DST: variants seen among roughly 807,000 people sequenced by gnomAD.
The protein encoded by DST is dystonin.
In DST, 253 loss-of-function variants were observed where a neutral mutation model predicts 875.2. The ratio of observed to expected loss-of-function variants is 0.29; its 90% confidence interval spans 0.26 to 0.32. DST has a LOEUF of 0.32. DST is among the 10% of genes least tolerant of loss of function. The pLI, the probability that DST is intolerant of heterozygous loss-of-function variation, is 1.00. For synonymous variants in DST, 3,124 were observed against 3,197.1 expected (o/e 0.98, Z 0.77); for missense variants, 8,287 against 9,111.6 (o/e 0.91, Z 3.68).
intron 4 of DST, among the ~76,000 whole-genome samples, chr6:56,758,488 A>AT (rs1315488885): frequency 6.6e-6 from 1 of 152,140 alleles, no homozygotes; most frequent in Non-Finnish European, 1.5e-5. Flanking sequence ...AAAACCAACC[A>AT]TTTTTTTATG....
intron 4 of DST, among the ~76,000 whole-genome samples, chr6:56,782,835 T>C (rs2099696842): frequency 6.6e-6 from 1 of 152,230 alleles, no homozygotes. Context: ...ATTTTGGATC[T>C]TTCCTGCTTT....
At chr6:56,645,283 C>T (rs1330791661) in intron 15 of DST, among the ~76,000 whole-genome samples, 1 of 152,166 alleles carries the variant, frequency 6.6e-6, no homozygotes, top group Non-Finnish European at 1.5e-5. Context: ...CAAGCATTTC[C>T]TGAAGACTAA....
chr6:56,787,149 G>C (rs1178411179), intron 4 of DST, among the ~76,000 whole-genome samples: 1 of 152,196 alleles, frequency 6.6e-6, no homozygotes, highest in Non-Finnish European at 1.5e-5. Flanking sequence ...CAAACTATCA[G>C]AGGATGAGAG....
At chr6:56,477,732 G>A (rs2095256953) in intron 90 of DST, among the ~76,000 whole-genome samples, 1 of 152,108 alleles carries the variant, frequency 6.6e-6, no homozygotes, top group Non-Finnish European at 1.5e-5. Context: ...TTGGTTCCAG[G>A]ATACCGTGCA....
At position 56,609,180 on chromosome 6, in the gene DST, A is replaced by G. The variant is rs766643645; in HGVS notation, c.5448T>C (p.Phe1816=). Residue 1816 remains phenylalanine (F), a synonymous_variant, in exon 40 of 104, where the codon TTT becomes TTC. Transcript: ENST00000680361. ...CATGACTTTTGGCATCTTTAAGGTC[A>G]AAGCACTTTCTTAATTCTGGTGAAA... ...GLISPELRKC[F]DLKDAKSHGL... The G allele has an allele frequency of 6.2e-7, 1 of 1,613,718 alleles. No homozygotes were observed. Among genetic ancestry groups the G allele is most frequent in the African/African-American group, 1.3e-5 (1 of 74,910 alleles).
At chr6:56,691,156 C>T (rs561536888) in intron 9 of DST, among the ~76,000 whole-genome samples, 1 of 152,290 alleles carries the variant, frequency 6.6e-6, no homozygotes, top group African/African-American at 2.4e-5. Flanking sequence ...GTACAGCTTA[C>T]TTGAAGCCAA....
At chr6:56,631,095 C>A in intron 30 of DST, 116 bp downstream of exon 30, 1 of 420,972 alleles carries the variant, frequency 2.4e-6, no homozygotes, top group Non-Finnish European at 3.5e-6. Flanking sequence ...TAATGTATTT[C>A]TTAAGACAAA....
rs1320210915 is a variant in DST, at chr6:56,561,423, T to G, written c.14195A>C (p.Glu4732Ala). Reference sequence around the variant, plus strand: ...TAACCACTGCATCATTGCACTTGATTCTTCCTGAGCCTTTTGCAATTTGGA... The same window carrying G: ...TAACCACTGCATCATTGCACTTGATGCTTCCTGAGCCTTTTGCAATTTGGA... Reference protein sequence around the residue: ...KLSKLQKAQEESSAMMQWLQK... With the variant: ...KLSKLQKAQEASSAMMQWLQK... Residue 4732 changes from glutamate (E) to alanine (A), a missense_variant, in exon 57 of 104, where the codon GAA (glutamate) becomes GCA (alanine). Physicochemically the swap from Glu to Ala is moderately radical, Grantham distance 107. This residue lies in a region of DST where 1,513 missense variants were observed against 1,677.8 expected (regional missense o/e 0.90). Transcript: ENST00000680361. 1 of 1,613,804 alleles carries G rather than the reference T, an allele frequency of 6.2e-7. No individual in the cohort carries two copies. The highest frequency in any genetic ancestry group is 8.5e-7 in the Non-Finnish European group (1 of 1,179,834).
chr6:56,489,754 T>G (rs2095674581), intron 85 of DST, 145 bp from the exon 86 acceptor site: 2 of 774,026 alleles, frequency 2.6e-6, no homozygotes, highest in Non-Finnish European at 3.8e-6. Context: ...AAAAAAGTAA[T>G]GCTTTCATCA....
chr6:56,818,220 T>C (rs2099768902), intron 4 of DST, among the ~76,000 whole-genome samples: 1 of 152,024 alleles, frequency 6.6e-6, no homozygotes, highest in Non-Finnish European at 1.5e-5. Context: ...ATAGCAACAA[T>C]AGGAAACTAA....
intron 5 of DST, among the ~76,000 whole-genome samples, chr6:56,731,127 C>A (rs1158651593): frequency 6.6e-6 from 1 of 152,280 alleles, no homozygotes; most frequent in Admixed American, 6.5e-5. Context: ...AGTGGGAAAG[C>A]GAGATGGAGC....
chr6:56,605,373 G>A lies in DST; in HGVS notation c.9255C>T (p.Phe3085=), dbSNP rs2152709314. 6.2e-7 allele frequency: 1 copy of A among 1,612,344 alleles called. No individual in the cohort carries two copies. The highest frequency in any genetic ancestry group is 8.5e-7 in the Non-Finnish European group (1 of 1,179,110). ...LLPGKNTRDS[F]KLINSQFPFP... The stretch of plus-strand genomic sequence containing the variant: ...ATGGAAACTGACTATTAATTAACTT[G>A]AAACTATCCCTTGTATTTTTACCAG... Residue 3085 remains phenylalanine, a synonymous_variant, in exon 40 of 104, where the codon TTC becomes TTT. Transcript: ENST00000680361.
chr6:56,595,783 C>A (rs904623258), intron 47 of DST, among the ~76,000 whole-genome samples: 1 of 135,200 alleles, frequency 7.4e-6, no homozygotes, highest in African/African-American at 3.9e-5. Flanking sequence ...TATGCTACCC[C>A]CACCCCACCC....
At chr6:56,742,632 T>G (rs905034375) in intron 4 of DST, among the ~76,000 whole-genome samples, 1 of 152,188 alleles carries the variant, frequency 6.6e-6, no homozygotes, top group African/African-American at 2.4e-5. Flanking sequence ...TTTAATTCCC[T>G]TTTTTTGTTT....
chr6:56,551,782 AAAAG>A (rs1562727929), intron 61 of DST, among the ~76,000 whole-genome samples: 1 of 152,252 alleles, frequency 6.6e-6, no homozygotes, highest in Non-Finnish European at 1.5e-5. Context: ...GATAATTATA[AAAAG>A]AAAGGGCAGA....
At chr6:56,508,095 C>A (rs2096382113) in intron 75 of DST, among the ~76,000 whole-genome samples, 1 of 152,162 alleles carries the variant, frequency 6.6e-6, no homozygotes, top group Non-Finnish European at 1.5e-5. Context: ...AGTATAGTGG[C>A]ACGATCTTGG....
chr6:56,574,548 T>G (rs1388482200), intron 50 of DST, among the ~76,000 whole-genome samples: 1 of 152,154 alleles, frequency 6.6e-6, no homozygotes, highest in African/African-American at 2.4e-5. Context: ...ATTGAATTTA[T>G]TTAAAAGTTT....
At chr6:56,904,452 T>A (rs1795470420) in intron 2 of DST, among the ~76,000 whole-genome samples, 1 of 152,338 alleles carries the variant, frequency 6.6e-6, no homozygotes, top group East Asian at 1.9e-4. Context: ...TGTAGAGTAA[T>A]GGGGTGTTTA....
At chr6:56,492,108 C>A (rs1364161352) in intron 85 of DST, 119 bp downstream of exon 85, 3 of 911,408 alleles carry the variant, frequency 3.3e-6, no homozygotes, top group Non-Finnish European at 5.0e-6. Context: ...CACCATGGCA[C>A]CATGCCATGA....
Sources: gnomAD v4.1 joint callset for allele counts (sites outside exome capture counted in the v4.1 genomes callset) on GRCh38, gnomAD v4.1.1 for gene constraint, gnomAD v4.1.1 regional missense constraint, MANE v1.5 for transcripts, NCBI Gene and HGNC (gene_info 2026-07-23, HGNC 2026-07-21) for gene names.